The following ARHGAP26 variants were observed in gnomAD, a reference collection of about 807,000 sequenced individuals.
ARHGAP26 encodes rho GTPase-activating protein 26.
In ARHGAP26, 38 loss-of-function variants were observed where a neutral mutation model predicts 104.8. The observed-to-expected ratio is 0.36, with a 90% CI of 0.28 to 0.48. The LOEUF (loss-of-function observed/expected upper bound fraction) is 0.48, where lower values mean the gene tolerates loss of function less well. Ranked by LOEUF, ARHGAP26 falls within the 20% of genes least tolerant of loss-of-function variation. ARHGAP26 has a pLI of 0.99. For missense variants in ARHGAP26, 704 were observed against 947.9 expected (o/e 0.74, Z 3.38); for synonymous variants, 341 against 340.0 (o/e 1.00, Z -0.03).
At chr5:142,878,854 G>A (rs778188290) in intron 3 of ARHGAP26, among the ~76,000 whole-genome samples, 2 of 152,150 alleles carry the variant, frequency 1.3e-5, no homozygotes, top group Non-Finnish European at 2.9e-5. Flanking sequence ...GAGGCAGCCA[G>A]TAGTCAGGAG....
intron 12 of ARHGAP26, among the ~76,000 whole-genome samples, chr5:143,024,991 GT>G (rs1218367346): frequency 6.6e-6 from 1 of 152,048 alleles, no homozygotes; most frequent in Non-Finnish European, 1.5e-5. Context: ...TAAATCTTTG[GT>G]TTTTTTGGAA....
At chr5:142,959,455 C>G (rs572496685) in intron 11 of ARHGAP26, among the ~76,000 whole-genome samples, 1 of 152,282 alleles carries the variant, frequency 6.6e-6, no homozygotes, top group African/African-American at 2.4e-5. Context: ...GGGCCCTTTT[C>G]CAAACACATG....
rs759863471 is a variant in ARHGAP26, at chr5:142,901,610, T to C, written c.598-325T>C. On this transcript the variant is annotated intron_variant, in intron 6 of 22. Coordinates refer to ENST00000645722, the MANE Select transcript of ARHGAP26 (RefSeq NM_001135608.3). ...TGGTGAGGCCCACAGGGCAAGGGCA[T>C]GGGTGTTGATGCCAAGGAGACCTGG... Among the ~76,000 whole-genome samples the C allele has an allele frequency of 1.4e-4, 21 of 152,196 alleles. 1 individual carries two copies. Among genetic ancestry groups the C allele is most frequent in the Non-Finnish European group, 2.6e-4 (18 of 68,044 alleles).
chr5:142,912,189 T>A (rs1322648153), intron 9 of ARHGAP26, among the ~76,000 whole-genome samples: 1 of 152,164 alleles, frequency 6.6e-6, no homozygotes, highest in Non-Finnish European at 1.5e-5. Context: ...GAGATGAAAT[T>A]GTCACATTCA....
chr5:142,947,095 T>TAAAAAAAAAAAAAAAAAAA, intron 11 of ARHGAP26: 1 of 70,684 alleles, frequency 1.4e-5, no homozygotes, highest in Non-Finnish European at 2.7e-5. Flanking sequence ...TTTTTAAAAG[T>TAAAAAAAAAAAAAAAAAAA]AAAAAAAAAA....
chr5:142,893,893 A>T (rs1359008258), intron 5 of ARHGAP26, among the ~76,000 whole-genome samples: 3 of 149,524 alleles, frequency 2.0e-5, no homozygotes, highest in African/African-American at 7.3e-5. Flanking sequence ...TCTTTTGAGA[A>T]ATGTCTATTC....
chr5:142,911,173 C>A (rs975104342), intron 9 of ARHGAP26, among the ~76,000 whole-genome samples: 17 of 152,166 alleles, frequency 1.1e-4, no homozygotes, highest in Admixed American at 3.3e-4. Context: ...CTCTGCAGAT[C>A]TGGAGCAGCC....
chr5:143,177,699 T>G (rs1011499834), intron 20 of ARHGAP26, among the ~76,000 whole-genome samples: 1 of 152,202 alleles, frequency 6.6e-6, no homozygotes, highest in Non-Finnish European at 1.5e-5. Flanking sequence ...TGCAGAGTGT[T>G]TCATTTGATT....
chr5:142,948,989 T>C (rs1223355127), intron 11 of ARHGAP26, among the ~76,000 whole-genome samples: 2 of 151,344 alleles, frequency 1.3e-5, no homozygotes, highest in East Asian at 3.9e-4. Flanking sequence ...CCTGTAATCC[T>C]AGCTACTTGG....
At chr5:143,116,434 G>A (rs965159074) in intron 17 of ARHGAP26, among the ~76,000 whole-genome samples, 8 of 152,182 alleles carry the variant, frequency 5.3e-5, no homozygotes, top group Admixed American at 3.9e-4. Context: ...TAGGCCTCAA[G>A]ATGAAACTTA....
chr5:143,023,077 C>T (rs1214403905), intron 12 of ARHGAP26, among the ~76,000 whole-genome samples: 1 of 152,224 alleles, frequency 6.6e-6, no homozygotes, highest in African/African-American at 2.4e-5. Context: ...ATTTCACTGA[C>T]TGGCTTCCCC....
intron 17 of ARHGAP26, among the ~76,000 whole-genome samples, chr5:143,059,748 T>C (rs1236622686): frequency 6.6e-6 from 1 of 152,254 alleles, no homozygotes; most frequent in African/African-American, 2.4e-5. Flanking sequence ...GTCTTATCTG[T>C]GAAACTTGAG....
At chr5:142,924,129 T>C (rs1464509934) in intron 10 of ARHGAP26, among the ~76,000 whole-genome samples, 1 of 152,182 alleles carries the variant, frequency 6.6e-6, no homozygotes, top group Non-Finnish European at 1.5e-5. Context: ...CCCAAAGTGC[T>C]GAGAGGATCA....
intron 2 of ARHGAP26, among the ~76,000 whole-genome samples, chr5:142,874,347 T>C (rs1043889311): frequency 6.6e-6 from 1 of 152,222 alleles, no homozygotes; most frequent in Non-Finnish European, 1.5e-5. Flanking sequence ...GAAAGTTTTA[T>C]TGGATTAATT....
intron 1 of ARHGAP26, among the ~76,000 whole-genome samples, chr5:142,855,623 C>T (rs1343205583): frequency 1.3e-5 from 2 of 152,234 alleles, no homozygotes; most frequent in Non-Finnish European, 2.9e-5. Context: ...TTCCTTCCTT[C>T]TATCCATCCT....
At chr5:142,829,366 C>T (rs1198211662) in intron 1 of ARHGAP26, among the ~76,000 whole-genome samples, 1 of 152,166 alleles carries the variant, frequency 6.6e-6, no homozygotes, top group Non-Finnish European at 1.5e-5. Flanking sequence ...AAACTTTTGT[C>T]AATAGGAATG....
chr5:142,842,739 T>C (rs1309477436), intron 1 of ARHGAP26, among the ~76,000 whole-genome samples: 1 of 152,196 alleles, frequency 6.6e-6, no homozygotes. Context: ...AAAATCAGAA[T>C]GGAAATTCCC....
chr5:143,188,218 G>A (rs1231692322), intron 20 of ARHGAP26, among the ~76,000 whole-genome samples: 1 of 152,144 alleles, frequency 6.6e-6, no homozygotes, highest in Non-Finnish European at 1.5e-5. Context: ...TACAATACGT[G>A]GGGGCATTCA....
chr5:142,878,962 CTTTG>C (rs1312814857), intron 3 of ARHGAP26, among the ~76,000 whole-genome samples: 1 of 152,058 alleles, frequency 6.6e-6, no homozygotes. Context: ...AGAGGTGTTT[CTTTG>C]TTTATTTGTT....
Sources: gnomAD v4.1 joint callset for allele counts (sites outside exome capture counted in the v4.1 genomes callset) on GRCh38, gnomAD v4.1.1 for gene constraint, MANE v1.5 for transcripts, NCBI Gene and HGNC (gene_info 2026-07-23, HGNC 2026-07-21) for gene names.